The following NUDT17 variants were observed in gnomAD, a reference collection of about 807,000 sequenced individuals.
NUDT17 encodes the protein nudix hydrolase 17, also known as m7GpppN-mRNA hydrolase NUDT17.
A neutral mutation model predicts 38.6 loss-of-function variants in NUDT17; 38 were observed. The ratio of observed to expected loss-of-function variants is 0.98; its 90% CI spans 0.76 to 1.29. NUDT17 has a LOEUF of 1.29. Ranked by LOEUF, NUDT17 falls within the 50% of genes most tolerant of loss-of-function variation. The pLI is 0.00. For synonymous variants in NUDT17, 192 were observed against 167.8 expected, an observed-to-expected ratio of 1.14 and a Z score of -1.11; for missense variants, 462 against 415.2, an observed-to-expected ratio of 1.11 and a Z score of -0.98.
At chr1:145,846,244 C>T in intron 2 of NUDT17, 48 bp downstream of exon 2, 1 of 1,535,644 alleles carries the variant, frequency 6.5e-7, no homozygotes. Flanking sequence ...GAAATTTGCC[C>T]TTTCCCCGCA....
intron 4 of NUDT17, 149 bp downstream of exon 4, chr1:145,846,839 C>T (rs1350425441): frequency 7.4e-6 from 5 of 676,448 alleles, no homozygotes; most frequent in African/African-American, 1.8e-5. Flanking sequence ...CCATCCACGC[C>T]CTCAGCTTTT....
rs1186728691 is a variant in NUDT17 at position 145,848,795 on chromosome 1, C to G, written c.*316C>G. 2.0e-5 allele frequency: 5 copies of G among 246,680 alleles called. No homozygotes were observed. The Admixed American group carries it at 2.0e-4, about 10-fold the overall frequency. 15.3% of individuals were successfully genotyped at this position (246,680 alleles called of 1,614,324 possible). ...CAAGCAATAGGCCGGGCCTGACTCC[C>G]AGACCCCTGCAGATCATGGCTAAGG... On this transcript the variant is annotated 3_prime_UTR_variant, in exon 8 of 8. Coordinates refer to ENST00000334513, the MANE Select transcript of NUDT17 (RefSeq NM_001012758.3).
chr1:145,848,491 C>T lies in NUDT17; in HGVS notation c.*12C>T. ...GGTCTGGAAAGTGAAGTGTAAAATC[C>T]CCTCCCTAGCCCATCTCCATGACAC... On this transcript the variant is annotated 3_prime_UTR_variant, in exon 8 of 8. Transcript: ENST00000334513. The T allele has an allele frequency of 6.4e-7, 1 of 1,551,270 alleles. No homozygotes were observed. Among genetic ancestry groups the T allele is most frequent in the Non-Finnish European group, 8.9e-7 (1 of 1,125,162 alleles).
chr1:145,848,034 G>A lies in NUDT17; in HGVS notation c.732-78G>A, dbSNP rs587762862. The A allele has an allele frequency of 5.8e-6, 9 of 1,545,700 alleles. No individual in the cohort carries two copies. The Admixed American group carries it at 1.5e-4, about 26-fold the overall frequency. On this transcript the variant is annotated intron_variant, in intron 6 of 7. Coordinates refer to ENST00000334513, the MANE Select transcript of NUDT17 (RefSeq NM_001012758.3). ...CACCCACCTCCTGTGGTAGTTGGGA[G>A]GATTCGGGGACCTAACATATATGTA...
In NUDT17 at chr1:145,845,750, C is replaced by T; in HGVS notation, c.110C>T (p.Pro37Leu). 6.4e-7 allele frequency: 1 copy of T among 1,574,660 alleles called. No homozygotes were observed. The highest frequency in any genetic ancestry group is 1.7e-4 in the Middle Eastern group (1 of 6,008). Residue 37 changes from proline to leucine, a missense_variant, in exon 1 of 8, where the codon CCC (proline) becomes CTC (leucine). Transcript: ENST00000334513. ...LGAGPGLGTW[P>L]IHCSLKRGRL... is the part of the protein sequence containing the mutation. Reference sequence around the variant, plus strand: ...GCCGGACCAGGGCTCGGGACGTGGCCCATTCACTGCAGCTTGAAGCGAGGA... The same window carrying T: ...GCCGGACCAGGGCTCGGGACGTGGCTCATTCACTGCAGCTTGAAGCGAGGA...
chr1:145,846,195 G>T lies in NUDT17; in HGVS notation c.375G>T (p.Pro125=). 2.5e-6 allele frequency: 4 copies of T among 1,582,684 alleles called. No homozygotes were observed. The highest frequency in any genetic ancestry group is 2.3e-5 in the East Asian group (1 of 43,148). The change falls in exon 2 of 8, where the codon CCG becomes CCT. Residue 125 remains proline (P), a splice_region_variant and synonymous_variant. Coordinates refer to ENST00000334513, the MANE Select transcript of NUDT17 (RefSeq NM_001012758.3). The part of the protein sequence containing the change: ...LSVSPNLWVP[P]GGHVELEEEL... ...TTTCCCCCAACCTCTGGGTACCCCC[G>T]GGTGAGTATTCTGGGGACAAGGCCC...
At position 145,846,638 on chromosome 1, in the gene NUDT17, G is replaced by A. The variant is rs199712477; in HGVS notation, c.443G>A (p.Gly148Glu). 3.7e-6 allele frequency: 6 copies of A among 1,614,076 alleles called. No individual in the cohort carries two copies. The highest frequency in any genetic ancestry group is 5.1e-6 in the Non-Finnish European group (6 of 1,180,012). ...GGLRELWEES[G>E]LHLPQGQFSW... ...CTTCGAGAACTTTGGGAGGAGAGTGGACTACACCTGCCCCAGGGCCAGTTC... is the reference window on the plus strand; with the variant it reads ...CTTCGAGAACTTTGGGAGGAGAGTGAACTACACCTGCCCCAGGGCCAGTTC... Residue 148 changes from glycine (G) to glutamate (E), a missense_variant, in exon 4 of 8, where the codon GGA (glycine) becomes GAA (glutamate). Transcript: ENST00000334513.
intron 6 of NUDT17, 56 bp downstream of exon 6, chr1:145,847,775 G>A: frequency 1.9e-6 from 3 of 1,573,252 alleles, no homozygotes; most frequent in Non-Finnish European, 2.6e-6. Context: ...ATGTTGAGAA[G>A]TTCAGCGTCT....
chr1:145,847,313 C>T lies in NUDT17; in HGVS notation c.559C>T (p.Leu187Phe), dbSNP rs1652748561. The change falls in exon 5 of 8, where the codon CTC becomes TTC. Residue 187 changes from leucine (L) to phenylalanine (F), a missense_variant. Physicochemically the swap from Leu to Phe is conservative, Grantham distance 22. Coordinates refer to ENST00000334513, the MANE Select transcript of NUDT17 (RefSeq NM_001012758.3). ...PKYHHIVLYL[L>F]VISQESQQQL... ...ATACCATCACATTGTTCTGTATCTA[C>T]TCGTGATCTCCCAGGAATCACAGCA... The T allele has an allele frequency of 6.2e-7, 1 of 1,611,550 alleles. No individual in the cohort carries two copies. Among genetic ancestry groups the T allele is most frequent in the African/African-American group, 1.3e-5 (1 of 74,942 alleles).
intron 2 of NUDT17, 76 bp downstream of exon 2, chr1:145,846,272 C>G (rs1553732468): frequency 6.7e-7 from 1 of 1,502,670 alleles, no homozygotes. Context: ...TTTTCCCAGT[C>G]TCAGAAGGAT....
intron 5 of NUDT17, 105 bp downstream of exon 5, chr1:145,847,453 T>C (rs1242224899): frequency 2.1e-6 from 3 of 1,427,832 alleles, no homozygotes; most frequent in Non-Finnish European, 2.0e-6. Context: ...TAGTCAGAGA[T>C]AACGAAGAAT....
intron 1 of NUDT17, 79 bp from the exon 2 acceptor site, chr1:145,845,934 T>C (rs1570763166): frequency 6.5e-7 from 1 of 1,532,968 alleles, no homozygotes; most frequent in Admixed American, 2.0e-5. Flanking sequence ...CAACGCGCGG[T>C]GTAGCCCCAT....
intron 1 of NUDT17, 30 bp from the exon 2 acceptor site, chr1:145,845,983 G>A (rs1553732256): frequency 3.8e-6 from 6 of 1,579,018 alleles, no homozygotes; most frequent in Non-Finnish European, 5.2e-6. Context: ...CCCTTCTGAA[G>A]CCTTAACCCA....
intron 4 of NUDT17, among the ~76,000 whole-genome samples, 154 bp downstream of exon 4, chr1:145,846,844 G>C (rs1652716569): frequency 6.6e-6 from 1 of 152,194 alleles, no homozygotes; most frequent in African/African-American, 2.4e-5. Flanking sequence ...CACGCCCTCA[G>C]CTTTTGGCCA....
rs1211661149 is a variant in NUDT17, at chr1:145,847,786, A to G, written c.731+67A>G. 84 of 1,535,960 alleles carry G rather than the reference A, an allele frequency of 5.5e-5. 1 individual carries two copies. Among genetic ancestry groups the G allele is most frequent in the Middle Eastern group, 5.1e-4 (3 of 5,852 alleles). On this transcript the variant is annotated intron_variant, in intron 6 of 7. Coordinates refer to ENST00000334513, the MANE Select transcript of NUDT17 (RefSeq NM_001012758.3). ...ATTCATGTTGAGAAGTTCAGCGTCT[A>G]TCCTGTCCTCAGGATGGAATTTTGT...
Position 145,848,576 on chromosome 1 carries a change from A to G in NUDT17, c.*97A>G, listed in dbSNP as rs2101674792. On this transcript the variant is annotated 3_prime_UTR_variant, in exon 8 of 8. Coordinates refer to ENST00000334513, the MANE Select transcript of NUDT17 (RefSeq NM_001012758.3). Reference sequence around the variant, plus strand: ...AGCTTCACTACAACTTTAGAAATAAAAAGTAAAATTACAACATAGGTCCTA... The same window carrying G: ...AGCTTCACTACAACTTTAGAAATAAGAAGTAAAATTACAACATAGGTCCTA... 3.3e-6 allele frequency: 3 copies of G among 914,122 alleles called. No individual in the cohort carries two copies. The highest frequency in any genetic ancestry group is 5.2e-6 in the Non-Finnish European group (3 of 581,806). 56.6% of individuals were successfully genotyped at this position (914,122 alleles called of 1,614,324 possible).
At position 145,847,688 on chromosome 1, in the gene NUDT17, C is replaced by T; in HGVS notation, c.700C>T (p.Leu234Phe). 1 of 1,614,094 alleles carries T rather than the reference C, an allele frequency of 6.2e-7. No individual in the cohort carries two copies. Among genetic ancestry groups the T allele is most frequent in the Non-Finnish European group, 8.5e-7 (1 of 1,180,010 alleles). ...AGAGGATGGGACAGAGACACCCGGA[C>T]TTCTCCCCCAGGACCTACCACCCTC... ...AAEDGTETPGLLPQDLPPSVL... is the reference protein window; with the variant it reads ...AAEDGTETPGFLPQDLPPSVL... Residue 234 changes from leucine (L) to phenylalanine (F), a missense_variant, in exon 6 of 8, where the codon CTT (leucine) becomes TTT (phenylalanine). Transcript: ENST00000334513.
chr1:145,847,704 TA>T lies in NUDT17; in HGVS notation c.717del (p.Pro240HisfsTer9). On this transcript the variant is annotated frameshift_variant, in exon 6 of 8. Transcript: ENST00000334513. LOFTEE classifies it high-confidence loss of function. The part of the protein sequence containing the change: ...TETPGLLPQD[L>X]PPSVLAVELE... ...ACACCCGGACTTCTCCCCCAGGACC[TA>T]CCACCCTCTGTCCTGTAAGTAAGAG... 1 of 1,614,158 alleles carries T rather than the reference TA, an allele frequency of 6.2e-7. No homozygotes were observed. Among genetic ancestry groups the T allele is most frequent in the East Asian group, 2.2e-5 (1 of 44,890 alleles).
At chr1:145,847,155 T>C (rs1406828759) in intron 4 of NUDT17, 95 bp from the exon 5 acceptor site, 3 of 716,584 alleles carry the variant, frequency 4.2e-6, no homozygotes, top group Non-Finnish European at 7.1e-6. Context: ...GATCACGCCA[T>C]TGCATGCCAG....
Sources: gnomAD v4.1 joint callset for allele counts (sites outside exome capture counted in the v4.1 genomes callset) on GRCh38, gnomAD v4.1.1 for gene constraint, MANE v1.5 for transcripts, NCBI Gene and HGNC (gene_info 2026-07-23, HGNC 2026-07-21) for gene names.